SPTLC3: variants seen among roughly 807,000 people sequenced by gnomAD.
SPTLC3 encodes serine palmitoyltransferase long chain base subunit 3, also known as serine palmitoyltransferase 3.
A neutral mutation model predicts 59.3 loss-of-function variants in SPTLC3; 36 were observed. That is an observed-to-expected ratio of 0.61 (90% CI 0.47 to 0.80). SPTLC3 has a LOEUF of 0.80. Among genes scored for constraint, SPTLC3 ranks in the 30% least tolerant of loss-of-function variants. SPTLC3 has a pLI of 0.00. For missense variants in SPTLC3, 625 were observed against 685.1 expected (o/e 0.91, Z 0.98); for synonymous variants, 257 against 240.8 (o/e 1.07, Z -0.62).
At chr20:13,046,077 G>A (rs1387451363) in intron 1 of SPTLC3, among the ~76,000 whole-genome samples, 2 of 152,144 alleles carry the variant, frequency 1.3e-5, no homozygotes, top group African/African-American at 2.4e-5. Context: ...TTGCAAGCAG[G>A]TTAAATTAAG....
chr20:13,162,486 T>A (rs535006172), intron 11 of SPTLC3, among the ~76,000 whole-genome samples: 1 of 152,178 alleles, frequency 6.6e-6, no homozygotes, highest in Non-Finnish European at 1.5e-5. Context: ...AGTTCCTTAA[T>A]GTACATGTAA....
At chr20:13,155,774 C>T (rs1174948394) in intron 10 of SPTLC3, among the ~76,000 whole-genome samples, 2 of 151,922 alleles carry the variant, frequency 1.3e-5, no homozygotes, top group Non-Finnish European at 1.5e-5. Context: ...TGCAGTGAGC[C>T]GAGATTGCAC....
chr20:13,103,213 G>T (rs1257587164), intron 6 of SPTLC3, among the ~76,000 whole-genome samples: 1 of 152,116 alleles, frequency 6.6e-6, no homozygotes, highest in Non-Finnish European at 1.5e-5. Flanking sequence ...AAAAATAATT[G>T]TTTTGCTTGA....
At chr20:13,153,744 C>T (rs2122960531) in intron 9 of SPTLC3, among the ~76,000 whole-genome samples, 1 of 152,274 alleles carries the variant, frequency 6.6e-6, no homozygotes, top group South Asian at 2.1e-4. Flanking sequence ...CCCACCAGCC[C>T]TCTAGCGTAT....
At chr20:13,046,746 G>A (rs1192130694) in intron 1 of SPTLC3, among the ~76,000 whole-genome samples, 1 of 152,166 alleles carries the variant, frequency 6.6e-6, no homozygotes, top group African/African-American at 2.4e-5. Context: ...CATGACTGGG[G>A]TAAGGACATA....
At chr20:13,112,606 G>C (rs892204334) in intron 7 of SPTLC3, among the ~76,000 whole-genome samples, 2 of 152,170 alleles carry the variant, frequency 1.3e-5, no homozygotes, top group African/African-American at 2.4e-5. Flanking sequence ...AATCAACCTG[G>C]TGATGACACA....
chr20:13,017,537 T>C (rs1004242356), intron 1 of SPTLC3, among the ~76,000 whole-genome samples: 3 of 152,252 alleles, frequency 2.0e-5, no homozygotes, highest in Non-Finnish European at 4.4e-5. Context: ...ACATGTGGCC[T>C]GCAGGCTGCA....
chr20:13,010,457 G>T (rs1023814747), intron 1 of SPTLC3, among the ~76,000 whole-genome samples: 1 of 152,160 alleles, frequency 6.6e-6, no homozygotes, highest in African/African-American at 2.4e-5. Flanking sequence ...GGCTAAAGGA[G>T]CTCTAGAGCC....
At position 13,168,331 on chromosome 20, in the gene SPTLC3, G is replaced by A. The variant is rs2123029367; in HGVS notation, c.*3464G>A. 6.6e-6 allele frequency: 1 copy of A among 152,192 alleles called. No homozygotes were observed. The highest frequency in any genetic ancestry group is 2.4e-5 in the African/African-American group (1 of 41,500). The allele number at this position is 152,192 out of a possible 1,614,324, so 9.4% of individuals were successfully genotyped here. On this transcript the variant is annotated 3_prime_UTR_variant, in exon 12 of 12. Coordinates refer to ENST00000399002, the MANE Select transcript of SPTLC3 (RefSeq NM_018327.4). ...CCTGAGGAGCTGAGTTTACAGGCAT[G>A]TGCCACCAAGCATGGCTAATTTTCT... is the stretch of plus-strand genomic sequence containing the variant.
intron 1 of SPTLC3, among the ~76,000 whole-genome samples, chr20:13,019,479 T>C (rs555532809): frequency 2.0e-5 from 3 of 152,334 alleles, no homozygotes; most frequent in Admixed American, 6.5e-5. Flanking sequence ...TAATTTACTT[T>C]ATATTTCAAA....
chr20:13,054,945 C>T (rs1431431), intron 2 of SPTLC3, among the ~76,000 whole-genome samples: 52,250 of 151,642 alleles, frequency 0.34, 9,249 homozygotes, highest in South Asian at 0.46. Flanking sequence ...CAATTCAAGA[C>T]GAAAAGCAAA....
At chr20:13,029,315 A>G (rs1164269728) in intron 1 of SPTLC3, among the ~76,000 whole-genome samples, 1 of 152,202 alleles carries the variant, frequency 6.6e-6, no homozygotes, top group Non-Finnish European at 1.5e-5. Context: ...CAAGTCACAG[A>G]CATCAGTTCG....
At position 13,074,454 on chromosome 20, in the gene SPTLC3, A is replaced by G. The variant is rs1286203872; in HGVS notation, c.564A>G (p.Leu188=). 1.2e-6 allele frequency: 2 copies of G among 1,614,030 alleles called. No individual in the cohort carries two copies. The highest frequency in any genetic ancestry group is 1.6e-4 in the Middle Eastern group (1 of 6,084). Reference sequence around the variant, plus strand: ...CTATGAGGACAATAAAGGATGTTTTAGAGGTGTATGGCACAGGCGTGGCCA... The same window carrying G: ...CTATGAGGACAATAAAGGATGTTTTGGAGGTGTATGGCACAGGCGTGGCCA... The part of the protein sequence containing the change: ...DESMRTIKDV[L]EVYGTGVAST... The change falls in exon 4 of 12, where the codon TTA becomes TTG. Residue 188 remains leucine (L), a synonymous_variant. Transcript: ENST00000399002.
intron 4 of SPTLC3, among the ~76,000 whole-genome samples, chr20:13,082,011 C>A (rs1988856335): frequency 6.6e-6 from 1 of 152,148 alleles, no homozygotes; most frequent in South Asian, 2.1e-4. Context: ...GAAATTATAG[C>A]ACAGCTCAAT....
intron 1 of SPTLC3, among the ~76,000 whole-genome samples, chr20:13,045,354 A>G (rs1454876877): frequency 6.6e-6 from 1 of 152,254 alleles, no homozygotes; most frequent in Non-Finnish European, 1.5e-5. Flanking sequence ...AACAATGCTT[A>G]TCTGCAGTAA....
At chr20:13,022,740 C>T (rs144552050) in intron 1 of SPTLC3, among the ~76,000 whole-genome samples, 8 of 152,158 alleles carry the variant, frequency 5.3e-5, no homozygotes, top group Admixed American at 3.3e-4. Context: ...GTTTTAAAAA[C>T]CACCATGTCC....
chr20:13,074,624 A>G (rs1988577017), intron 4 of SPTLC3, 127 bp downstream of exon 4: 1 of 1,128,862 alleles, frequency 8.9e-7, no homozygotes, highest in East Asian at 2.5e-5. Context: ...AGAAAGAAAA[A>G]AAAGAGATAT....
At chr20:13,079,863 T>C (rs1381736683) in intron 4 of SPTLC3, 3 of 423,584 alleles carry the variant, frequency 7.1e-6, no homozygotes, top group Non-Finnish European at 4.9e-6. Context: ...TCTTCCCTGT[T>C]GGAGGTGAGG....
chr20:13,133,032 ATC>A (rs1373685129), intron 9 of SPTLC3: 1 of 152,214 alleles, frequency 6.6e-6, no homozygotes, highest in Admixed American at 6.6e-5. Flanking sequence ...ATTAAACTTG[ATC>A]TCTCTGCATC....
Sources: allele counts gnomAD v4.1 joint callset (sites outside exome capture counted in the v4.1 genomes callset), GRCh38; gene constraint gnomAD v4.1.1; transcripts MANE v1.5; gene names NCBI Gene and HGNC (gene_info 2026-07-23, HGNC 2026-07-21).